EMX1: variants seen among roughly 807,000 people sequenced by gnomAD.
The protein encoded by EMX1 is empty spiracles homeobox 1, also known as homeobox protein EMX1.
In EMX1, 10 loss-of-function variants were observed where a neutral mutation model predicts 20.1. That is an observed-to-expected ratio of 0.50 (90% CI 0.31 to 0.84). The LOEUF (loss-of-function observed/expected upper bound fraction) is 0.84, where lower values mean the gene tolerates loss of function less well. EMX1 is among the 40% of genes least tolerant of loss of function. The pLI is 0.05. For synonymous variants in EMX1, 250 were observed against 200.4 expected (o/e 1.25, Z -2.09); for missense variants, 424 against 431.9 (o/e 0.98, Z 0.16).
intron 2 of EMX1, chr2:72,925,852 CG>C: frequency 1.0e-6 from 1 of 985,438 alleles, no homozygotes; most frequent in Non-Finnish European, 1.2e-6. Flanking sequence ...AAATCGCTCA[CG>C]GGTCGGAGGC....
At chr2:72,917,014 C>T, upstream of EMX1, 2 of 696,960 alleles carry the variant, frequency 2.9e-6, no homozygotes, top group Non-Finnish European at 5.4e-6. Context: ...AACGCGAAAC[C>T]TCAGGAACAA....
intron 2 of EMX1, among the ~76,000 whole-genome samples, chr2:72,929,471 C>T (rs1243631908): frequency 6.6e-6 from 1 of 152,114 alleles, no homozygotes; most frequent in Non-Finnish European, 1.5e-5. Context: ...TTGGGCTTGA[C>T]CTTGAGAGTG....
chr2:72,925,798 G>A (rs776767611), intron 2 of EMX1: 14 of 985,254 alleles, frequency 1.4e-5, no homozygotes, highest in Non-Finnish European at 1.4e-5. Flanking sequence ...TGGCATTTTG[G>A]CATCTATTGT....
At chr2:72,927,534 AATT>A (rs1671224744) in intron 2 of EMX1, among the ~76,000 whole-genome samples, 1 of 148,424 alleles carries the variant, frequency 6.7e-6, no homozygotes. Flanking sequence ...GTTATTACTT[AATT>A]ATCTGCCATG....
Position 72,928,049 on chromosome 2 carries a change from A to G in EMX1, c.705+3556A>G, listed in dbSNP as rs1027323194. Among the ~76,000 whole-genome samples the G allele has an allele frequency of 5.3e-5, 8 of 151,732 alleles. No individual in the cohort carries two copies. The East Asian group carries it at 5.8e-4, about 11-fold the overall frequency. ...TAATCCAGATCTCAGAAGTCTGTGC[A>G]CTCCCCAAGCTTTAGCCGGGTGCTA... On this transcript the variant is annotated intron_variant, in intron 2 of 2. Transcript: ENST00000258106.
At chr2:72,917,272 T>C (rs1195614442), upstream of EMX1, among the ~76,000 whole-genome samples, 5 of 142,160 alleles carry the variant, frequency 3.5e-5, no homozygotes, top group East Asian at 8.6e-4. Context: ...GGACGCCTTC[T>C]TCGGCTCCCG....
At chr2:72,923,859 G>T (rs1671144221) in intron 1 of EMX1, 1 of 261,894 alleles carries the variant, frequency 3.8e-6, no homozygotes, top group African/African-American at 2.2e-5. Context: ...CTTGGAGGGA[G>T]ATGCTTTGCG....
Position 72,918,119 on chromosome 2 carries a change from C to T in EMX1, c.267C>T (p.Ser89=), listed in dbSNP as rs1671021493. 6.8e-7 allele frequency: 1 copy of T among 1,480,206 alleles called. No individual in the cohort carries two copies. The highest frequency in any genetic ancestry group is 8.9e-7 in the Non-Finnish European group (1 of 1,126,400). The allele number at this position is 1,480,206 out of a possible 1,614,324, so 91.7% of individuals were successfully genotyped here. A position where few individuals can be genotyped will look rare whatever the true frequency, so the allele number is the denominator to read the frequency against. The change falls in exon 1 of 3, where the codon AGC becomes AGT. Residue 89 remains serine, a synonymous_variant. Coordinates refer to ENST00000258106, the MANE Select transcript of EMX1 (RefSeq NM_004097.3). Reference sequence around the variant, plus strand: ...CGGCGCTCAACTACCCTCACCCCAGCGCGGCCGAGGCGGCCTTCGTGAGTG... The same window carrying T: ...CGGCGCTCAACTACCCTCACCCCAGTGCGGCCGAGGCGGCCTTCGTGAGTG... ...RPTALNYPHP[S]AAEAAFVSGF... is the part of the protein sequence containing the mutation.
chr2:72,926,090 A>G, intron 2 of EMX1: 2 of 982,946 alleles, frequency 2.0e-6, no homozygotes, highest in Non-Finnish European at 1.2e-6. Context: ...TTAAACAGTA[A>G]TATTTATTAA....
chr2:72,919,186 C>CAT (rs1381821228), intron 1 of EMX1, among the ~76,000 whole-genome samples: 1 of 150,168 alleles, frequency 6.7e-6, no homozygotes, highest in Non-Finnish European at 1.5e-5. Context: ...GCCCTACACA[C>CAT]ACACACACAC....
chr2:72,927,007 C>A (rs1418037380), intron 2 of EMX1, among the ~76,000 whole-genome samples: 1 of 152,160 alleles, frequency 6.6e-6, no homozygotes, highest in African/African-American at 2.4e-5. Flanking sequence ...TGCATTTCTA[C>A]TGTTAATATC....
chr2:72,933,133 C>T (rs1671310979), intron 2 of EMX1: 2 of 152,264 alleles, frequency 1.3e-5, no homozygotes, highest in South Asian at 2.1e-4. Flanking sequence ...AAGAAAGCCT[C>T]CCCTGAAGGA....
Position 72,924,587 on chromosome 2 carries a change from C to A in EMX1, c.705+94C>A, listed in dbSNP as rs1271128824. 5 of 1,402,456 alleles carry A rather than the reference C, an allele frequency of 3.6e-6. No homozygotes were observed. The Admixed American group carries it at 8.0e-5, about 23-fold the overall frequency. 86.9% of individuals were successfully genotyped at this position (1,402,456 alleles called of 1,614,324 possible). A position where few individuals can be genotyped will look rare whatever the true frequency, so the allele number is the denominator to read the frequency against. ...GGAGAGGCCCTGAGCCCGCCCCAGC[C>A]CAGCCCTGCTGGGTTCCAAAAGGCC... On this transcript the variant is annotated intron_variant, in intron 2 of 2. Coordinates refer to ENST00000258106, the MANE Select transcript of EMX1 (RefSeq NM_004097.3).
intron 1 of EMX1, among the ~76,000 whole-genome samples, chr2:72,918,784 C>T (rs1435637618): frequency 6.6e-6 from 1 of 152,234 alleles, no homozygotes; most frequent in African/African-American, 2.4e-5. Context: ...CCACCACCTC[C>T]GAGACCTCAG....
At chr2:72,928,258 C>G (rs752624960) in intron 2 of EMX1, among the ~76,000 whole-genome samples, 26 of 152,200 alleles carry the variant, frequency 1.7e-4, no homozygotes, top group Non-Finnish European at 3.7e-4. Context: ...CAGGAAGGTA[C>G]CAGTCTAAGC....
upstream of EMX1, chr2:72,916,374 C>G (rs1159913515): frequency 2.4e-6 from 1 of 416,500 alleles, no homozygotes. Context: ...GGCGAGGAAG[C>G]GGAACTCTCT....
At position 72,917,628 on chromosome 2, in the gene EMX1, C is replaced by T. The variant is rs1190601093; in HGVS notation, c.-225C>T. The T allele has an allele frequency of 2.4e-5, 6 of 248,530 alleles. No homozygotes were observed. The highest frequency in any genetic ancestry group is 3.0e-5 in the Non-Finnish European group (4 of 134,814). 15.4% of individuals were successfully genotyped at this position (248,530 alleles called of 1,614,324 possible). A position where few individuals can be genotyped will look rare whatever the true frequency, so the allele number is the denominator to read the frequency against. ...TCCGAAAGGAGGGAGACGAGCTCAA[C>T]CCTCGGGCCTTACTGGCAGCTCGCA... On this transcript the variant is annotated 5_prime_UTR_variant, in exon 1 of 3. Coordinates refer to ENST00000258106, the MANE Select transcript of EMX1 (RefSeq NM_004097.3).
In EMX1 at chr2:72,934,318, A is replaced by G. The variant is rs753554; in HGVS notation, c.*364A>G. On this transcript the variant is annotated 3_prime_UTR_variant, in exon 3 of 3. Transcript: ENST00000258106. Reference sequence around the variant, plus strand: ...GTGATCCCCAGTGTCCCCCTTCCCTATGGGAATAATAAAAGTCTCTCTCTT... The same window carrying G: ...GTGATCCCCAGTGTCCCCCTTCCCTGTGGGAATAATAAAAGTCTCTCTCTT... 6,624 of 188,436 alleles carry G rather than the reference A, an allele frequency of 0.035. 170 individuals carry two copies. Among genetic ancestry groups the G allele is most frequent in the Middle Eastern group, 0.1 (46 of 442 alleles). 11.7% of individuals were successfully genotyped at this position (188,436 alleles called of 1,614,324 possible). A position where few individuals can be genotyped will look rare whatever the true frequency, so the allele number is the denominator to read the frequency against.
chr2:72,931,317 G>C (rs1222801568), intron 2 of EMX1, among the ~76,000 whole-genome samples: 1 of 152,250 alleles, frequency 6.6e-6, no homozygotes, highest in Non-Finnish European at 1.5e-5. Flanking sequence ...GTGACCGTCA[G>C]TCTCCTTCCT....
Sources: gnomAD v4.1 joint callset for allele counts (sites outside exome capture counted in the v4.1 genomes callset) on GRCh38, gnomAD v4.1.1 for gene constraint, MANE v1.5 for transcripts, NCBI Gene and HGNC (gene_info 2026-07-23, HGNC 2026-07-21) for gene names.